Variants in SPON2 observed in about 807,000 individuals in gnomAD.
SPON2 encodes spondin-2.
A neutral mutation model predicts 29.9 loss-of-function variants in SPON2; 32 were observed. The ratio of observed to expected loss-of-function variants is 1.07; its 90% CI spans 0.81 to 1.44. The LOEUF (loss-of-function observed/expected upper bound fraction) is 1.44. Among genes scored for constraint, SPON2 ranks in the 40% most tolerant of loss-of-function variants. The probability of loss-of-function intolerance (pLI) is 0.00; values close to 1 mark genes in which losing one functional copy is unlikely to be tolerated. For missense variants in SPON2, 541 were observed against 455.5 expected, an observed-to-expected ratio of 1.19 and a Z score of -1.71; for synonymous variants, 248 against 209.1, an observed-to-expected ratio of 1.19 and a Z score of -1.61.
At chr4:1,172,908 C>T (rs1339380774), upstream of SPON2, 1 of 96,852 alleles carries the variant, frequency 1.0e-5, no homozygotes, top group African/African-American at 4.4e-5. Context: ...CCTCCCCTCC[C>T]CTCCTCCCCT....
chr4:1,171,781 C>A, intron 2 of SPON2, 71 bp downstream of exon 2: 1 of 1,054,596 alleles, frequency 9.5e-7, no homozygotes, highest in Non-Finnish European at 1.5e-6. Context: ...CGCCGCCGTG[C>A]AGCTGTGCGG....
intron 1 of SPON2, among the ~76,000 whole-genome samples, chr4:1,185,771 C>T (rs1182928371): frequency 7.0e-6 from 1 of 143,700 alleles, no homozygotes; most frequent in Non-Finnish European, 1.5e-5. Context: ...TAACTCAAAA[C>T]TGATTAAAGA....
chr4:1,170,240 T>G, intron 5 of SPON2, 162 bp downstream of exon 5: 1 of 704,406 alleles, frequency 1.4e-6, no homozygotes, highest in Non-Finnish European at 2.5e-6. Flanking sequence ...ACATCTTCAG[T>G]GTGTGAATCA....
chr4:1,169,106 T>C (rs1364987883), intron 5 of SPON2, among the ~76,000 whole-genome samples: 1 of 151,834 alleles, frequency 6.6e-6, no homozygotes, highest in Non-Finnish European at 1.5e-5. Flanking sequence ...GCAATACTGC[T>C]TCTGCTTGGC....
In SPON2 at chr4:1,167,340, C is replaced by T; in HGVS notation, c.*132G>A. The T allele has an allele frequency of 4.3e-6, 4 of 931,556 alleles. No individual in the cohort carries two copies. Among genetic ancestry groups the T allele is most frequent in the Non-Finnish European group, 6.4e-6 (4 of 622,922 alleles). 57.7% of individuals were successfully genotyped at this position (931,556 alleles called of 1,614,324 possible). A position where few individuals can be genotyped will look rare whatever the true frequency, so the allele number is the denominator to read the frequency against. ...GAGGGCCCTTCAGTGCAGAGATGGT[C>T]GGCGCGGCCTCACCGCGGTCAGGAG... On this transcript the variant is annotated 3_prime_UTR_variant, in exon 6 of 6. Transcript: ENST00000290902.
chr4:1,171,805 C>T (rs914379955), intron 2 of SPON2, 47 bp downstream of exon 2: 8 of 1,417,140 alleles, frequency 5.6e-6, no homozygotes, highest in African/African-American at 1.4e-5. Flanking sequence ...GCTCCGGCGC[C>T]GCAGCCCTCC....
chr4:1,185,072 T>C (rs988966037), intron 1 of SPON2, among the ~76,000 whole-genome samples: 2 of 152,006 alleles, frequency 1.3e-5, no homozygotes, highest in Non-Finnish European at 1.5e-5. Context: ...AATAGTCTTA[T>C]AGTCTTTTTT....
Position 1,170,429 on chromosome 4 carries a change from C to G in SPON2, c.784G>C (p.Asp262His), listed in dbSNP as rs766220482. ...GAGGCGCTGTCTACAATCTCATTGT[C>G]CCTGCTGGGCAGGACTGGGGCGGGA... ...IPPAPVLPSR[D>H]NEIVDSASVP... The change falls in exon 5 of 6, where the codon GAC becomes CAC. Residue 262 changes from aspartate to histidine, a missense_variant. Coordinates refer to ENST00000290902, the MANE Select transcript of SPON2 (RefSeq NM_012445.4). 1 of 1,613,676 alleles carries G rather than the reference C, an allele frequency of 6.2e-7. No individual in the cohort carries two copies. The highest frequency in any genetic ancestry group is 1.1e-5 in the South Asian group (1 of 91,064).
chr4:1,198,553 G>A (rs893229500), upstream of SPON2, among the ~76,000 whole-genome samples: 2 of 152,136 alleles, frequency 1.3e-5, no homozygotes, highest in Non-Finnish European at 2.9e-5. Context: ...TAAGAGAACA[G>A]CAAATAGGAC....
Position 1,171,273 on chromosome 4 carries a change from C to A in SPON2, c.434G>T (p.Arg145Met). Reference protein sequence around the residue: ...QTSAELEVQRRHSLVSFVVRI... With the variant: ...QTSAELEVQRMHSLVSFVVRI... ...CGGCCCCGCGCTCACCAGCGAGTGC[C>A]TGCGCTGCACCTCCAGCTCCGCCGA... Residue 145 changes from arginine to methionine, a missense_variant, in exon 3 of 6, where the codon AGG (arginine) becomes ATG (methionine). Arg to Met is a moderately conservative substitution (Grantham distance 91). Coordinates refer to ENST00000290902, the MANE Select transcript of SPON2 (RefSeq NM_012445.4). The A allele has an allele frequency of 6.5e-7, 1 of 1,530,942 alleles. No individual in the cohort carries two copies. The highest frequency in any genetic ancestry group is 8.7e-7 in the Non-Finnish European group (1 of 1,146,286). 94.8% of individuals were successfully genotyped at this position (1,530,942 alleles called of 1,614,324 possible). A position where few individuals can be genotyped will look rare whatever the true frequency, so the allele number is the denominator to read the frequency against.
At chr4:1,207,660 G>A (rs1008001939) in intron 1 of SPON2, among the ~76,000 whole-genome samples, 1 of 150,396 alleles carries the variant, frequency 6.6e-6, no homozygotes, top group Non-Finnish European at 1.5e-5. Flanking sequence ...CTAACCATGC[G>A]CCGCGCTTAC....
At chr4:1,195,661 G>A (rs1306165040), upstream of SPON2, among the ~76,000 whole-genome samples, 1 of 152,234 alleles carries the variant, frequency 6.6e-6, no homozygotes. Context: ...AGCAGGCAGA[G>A]GCGCAAAGCC....
intron 1 of SPON2, among the ~76,000 whole-genome samples, chr4:1,184,675 C>G (rs1156598861): frequency 6.6e-6 from 1 of 152,110 alleles, no homozygotes; most frequent in Non-Finnish European, 1.5e-5. Context: ...TGGCTCATGC[C>G]TGTAATCCCA....
chr4:1,204,633 TCTTA>T (rs1230414849), intron 1 of SPON2, among the ~76,000 whole-genome samples: 2 of 152,174 alleles, frequency 1.3e-5, no homozygotes, highest in African/African-American at 2.4e-5. Flanking sequence ...TCCTTAGTTT[TCTTA>T]CTTATTTTTC....
chr4:1,167,450 C>T lies in SPON2; in HGVS notation c.*22G>A, dbSNP rs368618305. Reference sequence around the variant, plus strand: ...GACACCCCATGGCTCCGGGGGGCCCCAGGGGCTGCGGGGCTCTGGTCTTAG... The same window carrying T: ...GACACCCCATGGCTCCGGGGGGCCCTAGGGGCTGCGGGGCTCTGGTCTTAG... On this transcript the variant is annotated 3_prime_UTR_variant, in exon 6 of 6. Transcript: ENST00000290902. The T allele has an allele frequency of 3.1e-4, 498 of 1,604,610 alleles. 1 individual carries two copies. The African/African-American group carries it at 6.0e-3, about 19-fold the overall frequency.
rs368433954 is a variant in SPON2, at chr4:1,167,554, A to G, written c.914T>C (p.Val305Ala). 82 of 1,613,474 alleles carry G rather than the reference A, an allele frequency of 5.1e-5. No homozygotes were observed. Among genetic ancestry groups the G allele is most frequent in the Middle Eastern group, 3.3e-4 (2 of 6,046 alleles). The change falls in exon 6 of 6, where the codon GTC becomes GCC. Residue 305 changes from valine to alanine, a missense_variant. Physicochemically the swap from Val to Ala is moderately conservative, Grantham distance 64. Transcript: ENST00000290902. ...CCCGTTGTTGGCGGGCTGGACCCGG[A>G]CGTAGCGAGTCCTGCTCTTGGTCCC... ...RLGTKSRTRY[V>A]RVQPANNGSP...
chr4:1,201,190 C>T (rs1394115332), intron 1 of SPON2: 5 of 447,546 alleles, frequency 1.1e-5, no homozygotes, highest in Non-Finnish European at 2.3e-5. Context: ...TCCAGCCCCT[C>T]CCCCCGCAGT....
intron 1 of SPON2, 44 bp from the exon 2 acceptor site, chr4:1,172,118 G>A: frequency 6.4e-7 from 1 of 1,560,050 alleles, no homozygotes; most frequent in South Asian, 1.1e-5. Flanking sequence ...CACCGTCGTG[G>A]CAGCCTCGGG....
rs868378454 is a variant in SPON2 at position 1,171,743 on chromosome 4, C to T, written c.220+109G>A. Reference sequence around the variant, plus strand: ...CAAACATTCTGGTGTTAGAGTCTCCCGACGTCAGCACGCCCCAGACTGGGA... The same window carrying T: ...CAAACATTCTGGTGTTAGAGTCTCCTGACGTCAGCACGCCCCAGACTGGGA... On this transcript the variant is annotated intron_variant, in intron 2 of 5. Transcript: ENST00000290902. The T allele has an allele frequency of 9.2e-6, 8 of 868,894 alleles. No homozygotes were observed. The Admixed American group carries it at 9.6e-5, about 10-fold the overall frequency. 53.8% of individuals were successfully genotyped at this position (868,894 alleles called of 1,614,324 possible).
Sources: allele counts gnomAD v4.1 joint callset (sites outside exome capture counted in the v4.1 genomes callset), GRCh38; gene constraint gnomAD v4.1.1; transcripts MANE v1.5; gene names NCBI Gene and HGNC (gene_info 2026-07-23, HGNC 2026-07-21).